The following PARD3 variants were observed in gnomAD, a reference collection of about 807,000 sequenced individuals.
The protein encoded by PARD3 is partitioning defective 3 homolog.
Under a neutral mutation model 155.4 loss-of-function variants are expected in PARD3, and 75 were observed. The ratio of observed to expected loss-of-function variants is 0.48; its 90% CI spans 0.40 to 0.58. PARD3 has a LOEUF of 0.58. PARD3 is among the 20% of genes least tolerant of loss of function. The pLI, the probability that PARD3 is intolerant of heterozygous loss-of-function variation, is 0.00. For synonymous variants in PARD3, 576 were observed against 610.5 expected (o/e 0.94, Z 0.83); for missense variants, 1,642 against 1,721.7 (o/e 0.95, Z 0.82).
chr10:34,222,466 T>G (rs1952354126), intron 22 of PARD3, among the ~76,000 whole-genome samples: 1 of 152,196 alleles, frequency 6.6e-6, no homozygotes, highest in Non-Finnish European at 1.5e-5. Flanking sequence ...CTAGGAACCT[T>G]CTATGTACGT....
intron 2 of PARD3, among the ~76,000 whole-genome samples, chr10:34,642,009 G>A (rs73269421): frequency 0.049 from 7,459 of 152,110 alleles, 562 homozygotes; most frequent in African/African-American, 0.16. Flanking sequence ...AGGGCCGAGG[G>A]GTAGCACTGG....
chr10:34,441,602 G>T (rs1187121571), intron 5 of PARD3, among the ~76,000 whole-genome samples: 5 of 152,130 alleles, frequency 3.3e-5, no homozygotes, highest in Non-Finnish European at 7.3e-5. Flanking sequence ...CCCTGCACAT[G>T]ACTGGAAGCT....
intron 22 of PARD3, among the ~76,000 whole-genome samples, chr10:34,188,748 CT>C (rs377645004): frequency 0.01 from 1,339 of 132,862 alleles, 7 homozygotes; most frequent in Non-Finnish European, 0.012. Context: ...CTTAAAATCG[CT>C]TTTTTTTTTT....
chr10:34,433,253 A>C (rs1391466293), intron 5 of PARD3, among the ~76,000 whole-genome samples: 1 of 152,220 alleles, frequency 6.6e-6, no homozygotes, highest in South Asian at 2.1e-4. Flanking sequence ...AAACTTAAAA[A>C]TTCAAATAGT....
intron 22 of PARD3, among the ~76,000 whole-genome samples, chr10:34,177,245 G>A (rs935768856): frequency 6.6e-6 from 1 of 152,170 alleles, no homozygotes; most frequent in Non-Finnish European, 1.5e-5. Flanking sequence ...CCCAGCAGAT[G>A]TGGAAGGTAG....
chr10:34,794,453 G>T (rs7088938), intron 1 of PARD3, among the ~76,000 whole-genome samples: 53,738 of 152,140 alleles, frequency 0.35, 10,638 homozygotes, highest in African/African-American at 0.55. Context: ...TCTTATCTAA[G>T]AAAGGCAGAT....
chr10:34,315,457 T>C (rs1011035168), intron 20 of PARD3, among the ~76,000 whole-genome samples: 1 of 152,134 alleles, frequency 6.6e-6, no homozygotes, highest in Non-Finnish European at 1.5e-5. Flanking sequence ...GAATGAAAAC[T>C]AACAAGCCGT....
At chr10:34,649,237 A>G (rs1312848836) in intron 2 of PARD3, among the ~76,000 whole-genome samples, 1 of 152,202 alleles carries the variant, frequency 6.6e-6, no homozygotes, top group Admixed American at 6.5e-5. Context: ...TGAGCTCAGG[A>G]GTTTGAGATC....
chr10:34,598,649 A>G (rs930221942), intron 2 of PARD3, among the ~76,000 whole-genome samples: 1 of 152,258 alleles, frequency 6.6e-6, no homozygotes, highest in Non-Finnish European at 1.5e-5. Flanking sequence ...GGACTTCATT[A>G]GTAAATGGGG....
intron 1 of PARD3, among the ~76,000 whole-genome samples, chr10:34,762,260 G>GAGAGAGAC (rs1491534463): frequency 1.2e-5 from 1 of 82,820 alleles, no homozygotes; most frequent in Non-Finnish European, 2.7e-5. Context: ...GAGGGAGAGG[G>GAGAGAGAC]AGAGAGAGAG....
chr10:34,596,767 G>T (rs995976398), intron 2 of PARD3, among the ~76,000 whole-genome samples: 5 of 152,196 alleles, frequency 3.3e-5, no homozygotes, highest in Non-Finnish European at 5.9e-5. Context: ...ATGAGACAGG[G>T]AAGGGCAGGG....
chr10:34,542,231 G>GTT (rs2083673002), intron 2 of PARD3, among the ~76,000 whole-genome samples: 1 of 5,430 alleles, frequency 1.8e-4, no homozygotes, highest in Non-Finnish European at 1.1e-3. Context: ...GTGTGTGTGT[G>GTT]TGTGTGTGCA....
At chr10:34,450,635 G>A (rs867310149) in intron 4 of PARD3, among the ~76,000 whole-genome samples, 187 bp from the exon 5 acceptor site, 11 of 152,146 alleles carry the variant, frequency 7.2e-5, no homozygotes, top group African/African-American at 2.4e-4. Flanking sequence ...ACCATGTGCC[G>A]AGGACAGGCA....
At position 34,517,037 on chromosome 10, in the gene PARD3, G is replaced by A. The variant is rs751810966; in HGVS notation, c.345C>T (p.Ala115=). Residue 115 remains alanine (A), a synonymous_variant, in exon 3 of 25, where the codon GCC becomes GCT. Transcript: ENST00000374788. The stretch of plus-strand genomic sequence containing the variant: ...CACTTGTTGCTTGGTAAGGCTGAAA[G>A]GCTGAGACATTGTTGGTGCCAAGCT... ...GSELGTNNVS[A]FQPYQATSEI... 2 of 1,614,054 alleles carry A rather than the reference G, an allele frequency of 1.2e-6. No individual in the cohort carries two copies. The highest frequency in any genetic ancestry group is 1.1e-5 in the South Asian group (1 of 91,080).
At position 34,684,772 on chromosome 10, in the gene PARD3, GATAC is replaced by G. The variant is rs1273618497; in HGVS notation, c.222+11542_222+11545del. On this transcript the variant is annotated intron_variant, in intron 2 of 24. Coordinates refer to ENST00000374788, the MANE Select transcript of PARD3 (RefSeq NM_001184785.2). Reference sequence around the variant, plus strand: ...CATGTCTATAAGACTTTGGCTTGATGATACATACACACACACACACACACACACA... The same window carrying G: ...CATGTCTATAAGACTTTGGCTTGATGATACACACACACACACACACACACA... Among the ~76,000 whole-genome samples the G allele has an allele frequency of 7.9e-5, 10 of 126,434 alleles. No homozygotes were observed. In the East Asian group the frequency reaches 9.4e-4, roughly 12 times the overall value. 82.9% of individuals were successfully genotyped at this position (126,434 alleles called of 152,430 possible). A position where few individuals can be genotyped will look rare whatever the true frequency, so the allele number is the denominator to read the frequency against.
At chr10:34,714,673 A>G (rs914671302) in intron 1 of PARD3, among the ~76,000 whole-genome samples, 13 of 152,138 alleles carry the variant, frequency 8.5e-5, no homozygotes, top group African/African-American at 2.7e-4. Context: ...TGGCCAAGGG[A>G]GGGATCTATG....
chr10:34,600,948 C>G (rs1377198395), intron 2 of PARD3, among the ~76,000 whole-genome samples: 1 of 149,986 alleles, frequency 6.7e-6, no homozygotes, highest in Non-Finnish European at 1.5e-5. Flanking sequence ...CCACCATGCC[C>G]GCCCATTTTT....
chr10:34,370,758 C>T (rs965445658), intron 12 of PARD3, among the ~76,000 whole-genome samples: 7 of 151,772 alleles, frequency 4.6e-5, no homozygotes, highest in African/African-American at 1.7e-4. Flanking sequence ...TAAATACTTC[C>T]TCCTTTTGCA....
At chr10:34,598,527 GA>G (rs200063322) in intron 2 of PARD3, among the ~76,000 whole-genome samples, 1,621 of 152,124 alleles carry the variant, frequency 0.011, 31 homozygotes, top group African/African-American at 0.036. Context: ...ATATGAGAAT[GA>G]AAAAAAATAT....
Sources: gnomAD v4.1 joint callset for allele counts (sites outside exome capture counted in the v4.1 genomes callset) on GRCh38, gnomAD v4.1.1 for gene constraint, MANE v1.5 for transcripts, NCBI Gene and HGNC (gene_info 2026-07-23, HGNC 2026-07-21) for gene names.